ADAMTS16: variants seen among roughly 807,000 people sequenced by gnomAD.
The protein encoded by ADAMTS16 is ADAM metallopeptidase with thrombospondin type 1 motif 16.
In ADAMTS16, 94 loss-of-function variants were observed where a neutral mutation model predicts 145.8. That is an observed-to-expected ratio of 0.64 (90% CI 0.55 to 0.77). ADAMTS16 has a LOEUF of 0.77. Ranked by LOEUF, ADAMTS16 falls within the 30% of genes least tolerant of loss-of-function variation. The pLI is 0.00. For missense variants in ADAMTS16, 1,585 were observed against 1,591.5 expected, an observed-to-expected ratio of 1.00 and a Z score of 0.07; for synonymous variants, 659 against 604.3, an observed-to-expected ratio of 1.09 and a Z score of -1.33.
chr5:5,187,598 C>T, intron 5 of ADAMTS16, 127 bp from the exon 6 acceptor site: 1 of 701,394 alleles, frequency 1.4e-6, no homozygotes, highest in Non-Finnish European at 2.6e-6. Flanking sequence ...ATCTGTCTGC[C>T]TAGCAATACA....
At chr5:5,183,929 A>G (rs1236190510) in intron 4 of ADAMTS16, among the ~76,000 whole-genome samples, 6 of 152,238 alleles carry the variant, frequency 3.9e-5, no homozygotes, top group African/African-American at 1.4e-4. Flanking sequence ...GTTTCATAAT[A>G]AAACTAGCGA....
chr5:5,184,092 G>T (rs950981847), intron 4 of ADAMTS16, among the ~76,000 whole-genome samples: 2 of 152,146 alleles, frequency 1.3e-5, no homozygotes, highest in Non-Finnish European at 2.9e-5. Context: ...ACCAGCCCAG[G>T]CCCCGGAAAA....
chr5:5,180,238 T>G (rs1478967101), intron 3 of ADAMTS16, among the ~76,000 whole-genome samples: 2 of 152,096 alleles, frequency 1.3e-5, no homozygotes, highest in African/African-American at 4.8e-5. Context: ...TGGGCAGCAC[T>G]AGATTTGCAA....
chr5:5,265,315 A>T (rs751289689), intron 18 of ADAMTS16, among the ~76,000 whole-genome samples: 26 of 152,178 alleles, frequency 1.7e-4, no homozygotes, highest in Admixed American at 3.3e-4. Flanking sequence ...CAGCAGAGGG[A>T]CTGGGCATTT....
At chr5:5,161,767 A>C (rs527242114) in intron 3 of ADAMTS16, among the ~76,000 whole-genome samples, 1 of 152,160 alleles carries the variant, frequency 6.6e-6, no homozygotes, top group Non-Finnish European at 1.5e-5. Flanking sequence ...TCAATAATAT[A>C]TTTTCTATCA....
chr5:5,231,903 C>A (rs1736936111), intron 11 of ADAMTS16, among the ~76,000 whole-genome samples: 1 of 152,118 alleles, frequency 6.6e-6, no homozygotes, highest in Non-Finnish European at 1.5e-5. Context: ...GGGGGGAAAG[C>A]ACAGACTATG....
In ADAMTS16 at chr5:5,238,657, A is replaced by G. The variant is rs373619349; in HGVS notation, c.2155-494A>G. 9.9e-5 allele frequency among the ~76,000 whole-genome samples: 15 copies of G among 152,204 alleles called. No homozygotes were observed. The East Asian group carries it at 1.2e-3, about 12-fold the overall frequency. On this transcript the variant is annotated intron_variant, in intron 14 of 22. Transcript: ENST00000274181. ...TGTAATACAAACAAACATCAGAGTA[A>G]TTTTAAAGAGCTCCTAAAATTCTAA...
intron 12 of ADAMTS16, among the ~76,000 whole-genome samples, chr5:5,234,722 T>C (rs1275293953): frequency 6.6e-6 from 1 of 151,772 alleles, no homozygotes; most frequent in East Asian, 1.9e-4. Context: ...ATACAAAAAT[T>C]AGCTGGGTGT....
intron 3 of ADAMTS16, among the ~76,000 whole-genome samples, chr5:5,178,136 C>T (rs967254161): frequency 6.6e-6 from 1 of 152,196 alleles, no homozygotes; most frequent in African/African-American, 2.4e-5. Context: ...TCTTTACTTA[C>T]ATTGCTCAGA....
intron 3 of ADAMTS16, among the ~76,000 whole-genome samples, chr5:5,153,433 A>C (rs773356152): frequency 6.6e-6 from 1 of 152,156 alleles, no homozygotes; most frequent in Non-Finnish European, 1.5e-5. Context: ...TGTATTTCCA[A>C]TTTACAAACA....
chr5:5,299,359 G>A (rs982223281), intron 18 of ADAMTS16, among the ~76,000 whole-genome samples: 9 of 149,784 alleles, frequency 6.0e-5, no homozygotes, highest in African/African-American at 1.9e-4. Flanking sequence ...GCAGCAGCTC[G>A]GGCCCAGACC....
intron 18 of ADAMTS16, among the ~76,000 whole-genome samples, chr5:5,291,753 T>G (rs1739330265): frequency 1.3e-5 from 2 of 148,626 alleles, no homozygotes; most frequent in South Asian, 4.2e-4. Context: ...CACAAAGAAC[T>G]TTGATTTGTG....
chr5:5,267,010 C>A (rs562284310), intron 18 of ADAMTS16, among the ~76,000 whole-genome samples: 1 of 152,154 alleles, frequency 6.6e-6, no homozygotes, highest in African/African-American at 2.4e-5. Context: ...ATCTTTGTTC[C>A]TGGTGCAGAA....
chr5:5,222,316 AATGG>A lies in ADAMTS16; in HGVS notation c.1606-435_1606-432del, dbSNP rs10664937. 5.5e-3 allele frequency among the ~76,000 whole-genome samples: 820 copies of A among 148,542 alleles called. 3 individuals carry two copies. The highest frequency in any genetic ancestry group is 0.027 in the Middle Eastern group (8 of 292). Reference sequence around the variant, plus strand: ...TTTGGGGATGGTGGATGCATGGTTAAATGGATGGATGGATGGATGGATGGATGGA... The same window carrying A: ...TTTGGGGATGGTGGATGCATGGTTAAATGGATGGATGGATGGATGGATGGA... On this transcript the variant is annotated intron_variant, in intron 10 of 22. Coordinates refer to ENST00000274181, the MANE Select transcript of ADAMTS16 (RefSeq NM_139056.4).
At chr5:5,179,102 T>C (rs1425679229) in intron 3 of ADAMTS16, among the ~76,000 whole-genome samples, 1 of 150,668 alleles carries the variant, frequency 6.6e-6, no homozygotes, top group East Asian at 1.9e-4. Flanking sequence ...TTAAGTATAT[T>C]AAGTCTTACA....
chr5:5,319,398 G>T lies in ADAMTS16; in HGVS notation c.*260G>T. 1 of 489,598 alleles carries T rather than the reference G, an allele frequency of 2.0e-6. No individual in the cohort carries two copies. Among genetic ancestry groups the T allele is most frequent in the Non-Finnish European group, 3.7e-6 (1 of 270,214 alleles). The allele number at this position is 489,598 out of a possible 1,614,324, so 30.3% of individuals were successfully genotyped here. On this transcript the variant is annotated 3_prime_UTR_variant, in exon 23 of 23. Transcript: ENST00000274181. ...AGACAGAGCTGTGGCTCGTGAGGCA[G>T]AAGGCAGGCACCACAACGGGAGAGG...
chr5:5,304,575 G>C (rs1379495337), intron 20 of ADAMTS16, among the ~76,000 whole-genome samples: 2 of 152,082 alleles, frequency 1.3e-5, no homozygotes, highest in Non-Finnish European at 2.9e-5. Flanking sequence ...ACGCTCCTCA[G>C]GGAGGGACCC....
intron 2 of ADAMTS16, among the ~76,000 whole-genome samples, chr5:5,141,872 T>A (rs1164412001): frequency 7.1e-6 from 1 of 141,542 alleles, no homozygotes; most frequent in Non-Finnish European, 1.5e-5. Flanking sequence ...GGGCGCTAGG[T>A]GCAAATGATA....
At chr5:5,259,109 A>C (rs987604780) in intron 17 of ADAMTS16, among the ~76,000 whole-genome samples, 11 of 152,120 alleles carry the variant, frequency 7.2e-5, no homozygotes, top group Non-Finnish European at 1.2e-4. Context: ...CTGCTATCTC[A>C]GGGACACTGA....
Sources: allele counts gnomAD v4.1 joint callset (sites outside exome capture counted in the v4.1 genomes callset), GRCh38; gene constraint gnomAD v4.1.1; transcripts MANE v1.5; gene names NCBI Gene and HGNC (gene_info 2026-07-23, HGNC 2026-07-21).